Variants in IMMP2L observed in about 807,000 individuals in gnomAD.
The protein encoded by IMMP2L is inner mitochondrial membrane peptidase subunit 2, also known as mitochondrial inner membrane protease subunit 2.
A neutral mutation model predicts 19.3 loss-of-function variants in IMMP2L; 18 were observed. The observed-to-expected ratio is 0.93, with a 90% CI of 0.64 to 1.38. IMMP2L has a LOEUF of 1.38. IMMP2L is among the 40% of genes most tolerant of loss of function. The pLI is 0.00. For synonymous variants in IMMP2L, 76 were observed against 73.0 expected, an observed-to-expected ratio of 1.04 and a Z score of -0.21; for missense variants, 233 against 218.2, an observed-to-expected ratio of 1.07 and a Z score of -0.43.
At position 111,327,083 on chromosome 7, in the gene IMMP2L, G is replaced by T. The variant is rs77425424; in HGVS notation, c.239+160155C>A. On this transcript the variant is annotated intron_variant, in intron 3 of 5. Coordinates refer to ENST00000405709, the MANE Select transcript of IMMP2L (RefSeq NM_032549.4). ...ATGGATGGGGAAAAAGGGGAATCCT[G>T]CCAGCATAGATAAACCTGGAAAACA... Among the ~76,000 whole-genome samples the T allele has an allele frequency of 5.5e-3, 839 of 151,880 alleles. 14 individuals carry two copies. Among genetic ancestry groups the T allele is most frequent in the African/African-American group, 0.019 (771 of 41,502 alleles).
chr7:111,253,242 T>C (rs772748947), intron 3 of IMMP2L, among the ~76,000 whole-genome samples: 1 of 152,164 alleles, frequency 6.6e-6, no homozygotes, highest in East Asian at 1.9e-4. Context: ...CAGAGAATTA[T>C]ATCAATGATG....
At chr7:111,334,095 T>C (rs1019993425) in intron 3 of IMMP2L, among the ~76,000 whole-genome samples, 6 of 152,022 alleles carry the variant, frequency 3.9e-5, no homozygotes, top group African/African-American at 1.4e-4. Context: ...ATCAAAAATT[T>C]TTATTTTTAT....
chr7:110,993,545 TTC>T (rs1426997219), intron 3 of IMMP2L, among the ~76,000 whole-genome samples: 2 of 152,086 alleles, frequency 1.3e-5, no homozygotes, highest in East Asian at 1.9e-4. Context: ...AAGCCAATCC[TTC>T]TCTCTCTTTG....
intron 4 of IMMP2L, among the ~76,000 whole-genome samples, chr7:110,905,050 C>A (rs1302150610): frequency 6.6e-6 from 1 of 152,160 alleles, no homozygotes; most frequent in Non-Finnish European, 1.5e-5. Flanking sequence ...CTAAACTCTA[C>A]TTACCACCTG....
chr7:111,532,908 A>C (rs1319572240), intron 1 of IMMP2L, among the ~76,000 whole-genome samples: 1 of 152,134 alleles, frequency 6.6e-6, no homozygotes. Flanking sequence ...AAGCCAGAGG[A>C]AAAGATTTAT....
At chr7:111,298,041 A>C (rs1821815612) in intron 3 of IMMP2L, among the ~76,000 whole-genome samples, 1 of 152,160 alleles carries the variant, frequency 6.6e-6, no homozygotes, top group African/African-American at 2.4e-5. Flanking sequence ...AAATGACATT[A>C]TCTTATTATA....
At chr7:111,434,370 G>A (rs1836923877) in intron 3 of IMMP2L, among the ~76,000 whole-genome samples, 1 of 150,252 alleles carries the variant, frequency 6.7e-6, no homozygotes, top group Non-Finnish European at 1.5e-5. Flanking sequence ...GACAAATGAG[G>A]ATTAAATACA....
intron 5 of IMMP2L, among the ~76,000 whole-genome samples, chr7:110,696,087 T>C (rs1793854510): frequency 6.6e-6 from 1 of 152,152 alleles, no homozygotes; most frequent in African/African-American, 2.4e-5. Flanking sequence ...TACTGAGTGA[T>C]TGCAGAGTAG....
At chr7:110,987,582 T>C (rs1056577666) in intron 3 of IMMP2L, among the ~76,000 whole-genome samples, 1 of 152,166 alleles carries the variant, frequency 6.6e-6, no homozygotes, top group Non-Finnish European at 1.5e-5. Flanking sequence ...TTAAGAAGGC[T>C]TCTATGGGAA....
chr7:110,897,796 T>G (rs534703839), intron 4 of IMMP2L, among the ~76,000 whole-genome samples: 8 of 152,234 alleles, frequency 5.3e-5, no homozygotes, highest in African/African-American at 1.7e-4. Context: ...AGAGATTTTT[T>G]CAAAAATTAT....
At chr7:110,990,178 A>C (rs2129559443) in intron 3 of IMMP2L, among the ~76,000 whole-genome samples, 1 of 152,292 alleles carries the variant, frequency 6.6e-6, no homozygotes, top group African/African-American at 2.4e-5. Flanking sequence ...CTGTGACAAT[A>C]TCCTTAATGC....
chr7:110,881,491 A>G, intron 5 of IMMP2L, among the ~76,000 whole-genome samples: 1 of 152,168 alleles, frequency 6.6e-6, no homozygotes, highest in East Asian at 1.9e-4. Context: ...TCCTATCAAA[A>G]TTTTCTAAAG....
At chr7:111,275,165 G>A (rs1257614226) in intron 3 of IMMP2L, among the ~76,000 whole-genome samples, 2 of 152,154 alleles carry the variant, frequency 1.3e-5, no homozygotes, top group African/African-American at 4.8e-5. Flanking sequence ...TGCTCACAGA[G>A]ACAAGGAATA....
At chr7:111,453,549 A>G (rs368018325) in intron 3 of IMMP2L, among the ~76,000 whole-genome samples, 2 of 152,192 alleles carry the variant, frequency 1.3e-5, no homozygotes, top group African/African-American at 4.8e-5. Context: ...GCATTGTTTG[A>G]TATCGGTAAC....
chr7:110,959,665 G>T (rs139318202), intron 4 of IMMP2L, among the ~76,000 whole-genome samples: 61 of 151,968 alleles, frequency 4.0e-4, no homozygotes, highest in Admixed American at 1.3e-3. Context: ...AGTTTTAGAG[G>T]CCACACAGTT....
Position 110,740,958 on chromosome 7 carries a change from T to C in IMMP2L, c.409-77237A>G, listed in dbSNP as rs546659112. ...AAAAAAGAACTAAAAGTAGATCTAC[T>C]CTTTGATCCAGCAATCCCACTACCA... On this transcript the variant is annotated intron_variant, in intron 5 of 5. Coordinates refer to ENST00000405709, the MANE Select transcript of IMMP2L (RefSeq NM_032549.4). 3.3e-5 allele frequency among the ~76,000 whole-genome samples: 5 copies of C among 150,878 alleles called. No individual in the cohort carries two copies. In the East Asian group the frequency reaches 9.8e-4, roughly 29 times the overall value.
chr7:111,431,266 C>A (rs1161145586), intron 3 of IMMP2L, among the ~76,000 whole-genome samples: 1 of 151,806 alleles, frequency 6.6e-6, no homozygotes, highest in African/African-American at 2.4e-5. Context: ...AGAGAAAATG[C>A]AACCTGTGGT....
At chr7:111,076,096 C>T (rs1795386984) in intron 3 of IMMP2L, among the ~76,000 whole-genome samples, 1 of 151,990 alleles carries the variant, frequency 6.6e-6, no homozygotes, top group Non-Finnish European at 1.5e-5. Context: ...TTCAAATAGC[C>T]CCCCTCATGA....
chr7:111,555,401 T>C (rs2133136235), intron 1 of IMMP2L, among the ~76,000 whole-genome samples: 1 of 151,934 alleles, frequency 6.6e-6, no homozygotes, highest in Middle Eastern at 3.4e-3. Flanking sequence ...GGGTCAGATA[T>C]GAATTTTGCA....
Sources: gnomAD v4.1 joint callset for allele counts (sites outside exome capture counted in the v4.1 genomes callset) on GRCh38, gnomAD v4.1.1 for gene constraint, MANE v1.5 for transcripts, NCBI Gene and HGNC (gene_info 2026-07-23, HGNC 2026-07-21) for gene names.